The following CEP126 variants were observed in gnomAD, a reference collection of about 807,000 sequenced individuals.
The protein encoded by CEP126 is centrosomal protein of 126 kDa.
A neutral mutation model predicts 107.8 loss-of-function variants in CEP126; 74 were observed. That is an observed-to-expected ratio of 0.69 (90% CI 0.57 to 0.83). The LOEUF (loss-of-function observed/expected upper bound fraction) is 0.83, where lower values mean the gene tolerates loss of function less well. Among genes scored for constraint, CEP126 ranks in the 40% least tolerant of loss-of-function variants. CEP126 has a pLI of 0.00. For missense variants in CEP126, 1,237 were observed against 1,281.9 expected, an observed-to-expected ratio of 0.96 and a Z score of 0.53; for synonymous variants, 449 against 446.0, an observed-to-expected ratio of 1.01 and a Z score of -0.08.
chr11:101,929,960 A>C (rs1454787626), intron 2 of CEP126, among the ~76,000 whole-genome samples: 1 of 146,298 alleles, frequency 6.8e-6, no homozygotes, highest in Non-Finnish European at 1.5e-5. Flanking sequence ...AGAGAGAGCA[A>C]GCTTTAGTTA....
chr11:101,995,672 A>C (rs1941433618), intron 10 of CEP126, among the ~76,000 whole-genome samples: 1 of 152,256 alleles, frequency 6.6e-6, no homozygotes, highest in Non-Finnish European at 1.5e-5. Flanking sequence ...AGTACTGGAC[A>C]TACACTGACA....
intron 4 of CEP126, among the ~76,000 whole-genome samples, chr11:101,952,759 T>C (rs1239346596): frequency 6.6e-6 from 1 of 152,224 alleles, no homozygotes; most frequent in Non-Finnish European, 1.5e-5. Context: ...CAATTTCTTA[T>C]AGTAAGAAAT....
rs547832712 is a variant in CEP126, at chr11:101,944,223, T to A, written c.249-42T>A. 2.0e-6 allele frequency: 3 copies of A among 1,486,572 alleles called. No homozygotes were observed. The South Asian group carries it at 4.2e-5, about 21-fold the overall frequency. The allele number at this position is 1,486,572 out of a possible 1,614,324, so 92.1% of individuals were successfully genotyped here. On this transcript the variant is annotated intron_variant, in intron 2 of 10. Coordinates refer to ENST00000263468, the MANE Select transcript of CEP126 (RefSeq NM_020802.4). ...GTCATTTTGAAACTATTTTCTAAAC[T>A]TACCACCTATTTCTGTTGCCTACTT...
In CEP126 at chr11:101,962,631, T is replaced by C; in HGVS notation, c.1596T>C (p.Asp532=). The C allele has an allele frequency of 6.2e-7, 1 of 1,613,062 alleles. No individual in the cohort carries two copies. Among genetic ancestry groups the C allele is most frequent in the Non-Finnish European group, 8.5e-7 (1 of 1,179,720 alleles). ...ATGCCTATATACCTCACAATCCTGA[T>C]TCAAAAGATGAAAAACAAAAATTAG... ...FQDAYIPHNP[D]SKDEKQKLAE... is the part of the protein sequence containing the mutation. The change falls in exon 6 of 11, where the codon GAT becomes GAC. Residue 532 remains aspartate, a synonymous_variant. Transcript: ENST00000263468.
intron 2 of CEP126, among the ~76,000 whole-genome samples, chr11:101,937,045 G>T (rs1305930475): frequency 6.6e-6 from 1 of 152,160 alleles, no homozygotes; most frequent in Non-Finnish European, 1.5e-5. Flanking sequence ...TCTTGGGAAT[G>T]AGACTCAAGT....
In CEP126 at chr11:101,958,148, T is replaced by C; in HGVS notation, c.507-20T>C. The C allele has an allele frequency of 6.2e-7, 1 of 1,607,064 alleles. No individual in the cohort carries two copies. Among genetic ancestry groups the C allele is most frequent in the South Asian group, 1.1e-5 (1 of 90,236 alleles). On this transcript the variant is annotated intron_variant, in intron 4 of 10. Transcript: ENST00000263468. ...AACTTTATTTAAATGTACTAAGCAC[T>C]TTTTATGTCTGGTTCACAGAGCTAT...
At chr11:101,960,254 A>C (rs1272840377) in intron 5 of CEP126, among the ~76,000 whole-genome samples, 2 of 152,220 alleles carry the variant, frequency 1.3e-5, no homozygotes, top group Non-Finnish European at 2.9e-5. Flanking sequence ...AGAAAAAAAA[A>C]GTATTGTTTA....
intron 2 of CEP126, among the ~76,000 whole-genome samples, chr11:101,924,188 C>T (rs187498520): frequency 6.6e-6 from 1 of 152,132 alleles, no homozygotes; most frequent in Non-Finnish European, 1.5e-5. Context: ...TTTTATTTTC[C>T]GTTACCCTAA....
chr11:101,920,501 AAGACAAAT>A (rs1199717943), intron 1 of CEP126, among the ~76,000 whole-genome samples: 1 of 152,218 alleles, frequency 6.6e-6, no homozygotes, highest in Non-Finnish European at 1.5e-5. Context: ...TGTTCTAAAA[AAGACAAAT>A]AGATATGCCC....
chr11:101,919,887 G>A (rs1940296867), intron 1 of CEP126, among the ~76,000 whole-genome samples: 1 of 152,140 alleles, frequency 6.6e-6, no homozygotes, highest in African/African-American at 2.4e-5. Context: ...ACCCTGAAAG[G>A]AAGTTGCACT....
At chr11:101,976,783 T>C (rs997055266) in intron 6 of CEP126, among the ~76,000 whole-genome samples, 1 of 152,228 alleles carries the variant, frequency 6.6e-6, no homozygotes, top group African/African-American at 2.4e-5. Context: ...TAACTACTCT[T>C]TTAAGACCAA....
chr11:101,963,844 G>T lies in CEP126; in HGVS notation c.2809G>T (p.Gly937Cys). ...AGAATCAGTTCCCTTATGGAAAAGA[G>T]GTCCTAATGTCCTGCATCAAAATAA... ...EEESVPLWKRGPNVLHQNKRA... is the reference protein window; with the variant it reads ...EEESVPLWKRCPNVLHQNKRA... The change falls in exon 6 of 11, where the codon GGT (glycine) becomes TGT (cysteine). Residue 937 changes from glycine to cysteine, a missense_variant. Transcript: ENST00000263468. 6.2e-7 allele frequency: 1 copy of T among 1,612,736 alleles called. No homozygotes were observed. Among genetic ancestry groups the T allele is most frequent in the African/African-American group, 1.3e-5 (1 of 74,878 alleles).
At chr11:101,934,521 C>A (rs895258196) in intron 2 of CEP126, among the ~76,000 whole-genome samples, 1 of 152,028 alleles carries the variant, frequency 6.6e-6, no homozygotes, top group African/African-American at 2.4e-5. Flanking sequence ...TTCTGTTAAT[C>A]CCATCCCTCA....
chr11:101,942,043 A>G (rs945374738), intron 2 of CEP126, among the ~76,000 whole-genome samples: 13 of 152,058 alleles, frequency 8.5e-5, no homozygotes, highest in Admixed American at 8.5e-4. Flanking sequence ...AATCCTTATC[A>G]GATATGTGAT....
chr11:101,955,161 C>T (rs1591281097), intron 4 of CEP126, among the ~76,000 whole-genome samples: 2 of 152,098 alleles, frequency 1.3e-5, no homozygotes, highest in Admixed American at 6.5e-5. Context: ...AATATATTCT[C>T]ATGAACATAG....
intron 6 of CEP126, among the ~76,000 whole-genome samples, chr11:101,974,035 TGTG>T (rs1244845332): frequency 7.9e-5 from 12 of 152,320 alleles, no homozygotes; most frequent in Admixed American, 6.5e-4. Flanking sequence ...TTTTTCTCAA[TGTG>T]GTCAGTTCCT....
chr11:101,970,856 G>A (rs1241502195), intron 6 of CEP126, among the ~76,000 whole-genome samples: 1 of 152,172 alleles, frequency 6.6e-6, no homozygotes, highest in Non-Finnish European at 1.5e-5. Flanking sequence ...TTTTATAGAT[G>A]AGGAAACTGG....
intron 7 of CEP126, among the ~76,000 whole-genome samples, chr11:101,981,320 G>GTC (rs936395932): frequency 3.9e-5 from 6 of 152,116 alleles, no homozygotes; most frequent in Non-Finnish European, 8.8e-5. Flanking sequence ...TTGAGACAGA[G>GTC]TCTCGCTCTG....
intron 10 of CEP126, among the ~76,000 whole-genome samples, chr11:101,993,452 G>A (rs999319117): frequency 2.0e-5 from 3 of 152,254 alleles, no homozygotes; most frequent in African/African-American, 4.8e-5. Context: ...TCTCTATCCA[G>A]TCTACCATTG....
Sources: gnomAD v4.1 joint callset for allele counts (sites outside exome capture counted in the v4.1 genomes callset) on GRCh38, gnomAD v4.1.1 for gene constraint, MANE v1.5 for transcripts, NCBI Gene and HGNC (gene_info 2026-07-23, HGNC 2026-07-21) for gene names.